Variants in PDZRN4 observed in about 807,000 individuals in gnomAD.
PDZRN4 encodes the protein PDZ domain containing ring finger 4, also known as PDZ domain-containing RING finger protein 4.
A neutral mutation model predicts 99.0 loss-of-function variants in PDZRN4; 70 were observed. That is an observed-to-expected ratio of 0.71 (90% CI 0.58 to 0.86). The LOEUF is 0.86. Among genes scored for constraint, PDZRN4 ranks in the 40% least tolerant of loss-of-function variants. The pLI is 0.00. For missense variants in PDZRN4, 1,474 were observed against 1,331.2 expected, an observed-to-expected ratio of 1.11 and a Z score of -1.67; for synonymous variants, 551 against 501.6, an observed-to-expected ratio of 1.10 and a Z score of -1.32.
At chr12:41,545,201 G>C (rs574489541) in intron 5 of PDZRN4, among the ~76,000 whole-genome samples, 1 of 152,242 alleles carries the variant, frequency 6.6e-6, no homozygotes, top group South Asian at 2.1e-4. Flanking sequence ...ATCCTTCCGT[G>C]ATCTGGCCTT....
intron 3 of PDZRN4, among the ~76,000 whole-genome samples, chr12:41,503,933 A>G (rs1938156344): frequency 6.6e-6 from 1 of 152,174 alleles, no homozygotes; most frequent in South Asian, 2.1e-4. Flanking sequence ...TGCAAGGCTT[A>G]TAAGAAAAGA....
At chr12:41,386,912 G>C (rs1952174396) in intron 3 of PDZRN4, among the ~76,000 whole-genome samples, 1 of 152,138 alleles carries the variant, frequency 6.6e-6, no homozygotes, top group African/African-American at 2.4e-5. Flanking sequence ...TGGGATAACT[G>C]GTTAGCCATA....
At position 41,194,170 on chromosome 12, in the gene PDZRN4, T is replaced by C. The variant is rs73117080; in HGVS notation, c.825T>C (p.Ile275=). ...CTGACAGAGCAGATGGCCTGGAGAT[T>C]CATGACAAAATCATGGAGGTAAGAC... is the stretch of plus-strand genomic sequence containing the variant. The part of the protein sequence containing the change: ...GPADRADGLE[I]HDKIMEVNGK... Residue 275 remains isoleucine (I), a synonymous_variant, in exon 3 of 10, where the codon ATT becomes ATC. Coordinates refer to ENST00000402685, the MANE Select transcript of PDZRN4 (RefSeq NM_001164595.2). 0.03 allele frequency: 45,386 copies of C among 1,502,320 alleles called. 1,327 individuals carry two copies. The highest frequency in any genetic ancestry group is 0.12 in the African/African-American group (8,483 of 72,854). The allele number at this position is 1,502,320 out of a possible 1,614,324, so 93.1% of individuals were successfully genotyped here.
At chr12:41,569,295 T>A (rs1415587936) in intron 9 of PDZRN4, among the ~76,000 whole-genome samples, 2 of 152,056 alleles carry the variant, frequency 1.3e-5, no homozygotes, top group Non-Finnish European at 2.9e-5. Flanking sequence ...AATTTTTGTA[T>A]TTTTAGTACA....
intron 3 of PDZRN4, among the ~76,000 whole-genome samples, chr12:41,264,963 A>G (rs572394839): frequency 1.3e-5 from 2 of 152,244 alleles, no homozygotes; most frequent in Non-Finnish European, 2.9e-5. Context: ...GAAGGAGGAG[A>G]GAAAGGAATG....
intron 6 of PDZRN4, 51 bp from the exon 7 acceptor site, chr12:41,555,647 T>C (rs1939145059): frequency 6.5e-6 from 9 of 1,375,890 alleles, no homozygotes; most frequent in Non-Finnish European, 9.3e-6. Flanking sequence ...TTTTAAGTTC[T>C]TGAGGGAATG....
intron 3 of PDZRN4, among the ~76,000 whole-genome samples, chr12:41,354,194 A>G (rs547088708): frequency 6.6e-6 from 1 of 152,224 alleles, no homozygotes; most frequent in East Asian, 1.9e-4. Context: ...CAAAGCCTTA[A>G]TAGTAATAAG....
intron 5 of PDZRN4, among the ~76,000 whole-genome samples, chr12:41,534,911 A>G (rs1162906710): frequency 6.6e-6 from 1 of 151,942 alleles, no homozygotes; most frequent in Non-Finnish European, 1.5e-5. Flanking sequence ...ACTATCTCCT[A>G]GTTTTTATTT....
intron 3 of PDZRN4, among the ~76,000 whole-genome samples, chr12:41,497,786 A>G (rs112441630): frequency 1.3e-5 from 2 of 152,070 alleles, no homozygotes; most frequent in African/African-American, 2.4e-5. Flanking sequence ...ATGTGTGTGT[A>G]TGTGTGCATG....
At chr12:41,402,899 G>A (rs1952314440) in intron 3 of PDZRN4, among the ~76,000 whole-genome samples, 2 of 151,720 alleles carry the variant, frequency 1.3e-5, no homozygotes, top group Admixed American at 1.3e-4. Flanking sequence ...TGTAACGTGA[G>A]CTAAATTGCA....
chr12:41,384,142 A>G (rs1952148102), intron 3 of PDZRN4, among the ~76,000 whole-genome samples: 1 of 151,726 alleles, frequency 6.6e-6, no homozygotes, highest in African/African-American at 2.4e-5. Context: ...ACTTTTTTTG[A>G]GACAGGGCCT....
chr12:41,306,174 T>A (rs1219167984), intron 3 of PDZRN4, among the ~76,000 whole-genome samples: 1 of 152,168 alleles, frequency 6.6e-6, no homozygotes, highest in Non-Finnish European at 1.5e-5. Context: ...GGCAACATTG[T>A]CTCCACAGCT....
intron 3 of PDZRN4, among the ~76,000 whole-genome samples, chr12:41,326,051 A>AT (rs369055458): frequency 3.9e-5 from 6 of 151,964 alleles, no homozygotes; most frequent in Middle Eastern, 3.4e-3. Flanking sequence ...GCATGATATC[A>AT]TGGCTCACAA....
At chr12:41,356,733 C>T (rs1046518033) in intron 3 of PDZRN4, among the ~76,000 whole-genome samples, 3 of 151,950 alleles carry the variant, frequency 2.0e-5, no homozygotes, top group Non-Finnish European at 4.4e-5. Flanking sequence ...TTACTGTGAC[C>T]TTTTAGAACT....
chr12:41,241,178 C>T (rs1232861668), intron 3 of PDZRN4, among the ~76,000 whole-genome samples: 1 of 152,070 alleles, frequency 6.6e-6, no homozygotes, highest in Non-Finnish European at 1.5e-5. Flanking sequence ...ATCCCTCATC[C>T]TAAAATTGAA....
At chr12:41,235,944 A>G (rs866227374) in intron 3 of PDZRN4, among the ~76,000 whole-genome samples, 1 of 152,192 alleles carries the variant, frequency 6.6e-6, no homozygotes, top group Non-Finnish European at 1.5e-5. Flanking sequence ...AATTAAAGCT[A>G]AAGAGTTATA....
chr12:41,539,140 G>A (rs1484547029), intron 5 of PDZRN4, among the ~76,000 whole-genome samples: 1 of 151,614 alleles, frequency 6.6e-6, no homozygotes, highest in Admixed American at 6.6e-5. Flanking sequence ...TATATTTTGT[G>A]GGAGCTCCTC....
At chr12:41,218,062 C>G (rs972520302) in intron 3 of PDZRN4, among the ~76,000 whole-genome samples, 1 of 152,084 alleles carries the variant, frequency 6.6e-6, no homozygotes, top group Non-Finnish European at 1.5e-5. Flanking sequence ...TCAAAAGCAG[C>G]CTTCCAAGTC....
intron 5 of PDZRN4, among the ~76,000 whole-genome samples, chr12:41,518,839 G>C (rs1201012751): frequency 6.6e-6 from 1 of 151,958 alleles, no homozygotes; most frequent in Non-Finnish European, 1.5e-5. Context: ...GTCCCACCTA[G>C]TCAAGAGACT....
Sources: gnomAD v4.1 joint callset for allele counts (sites outside exome capture counted in the v4.1 genomes callset) on GRCh38, gnomAD v4.1.1 for gene constraint, MANE v1.5 for transcripts, NCBI Gene and HGNC (gene_info 2026-07-23, HGNC 2026-07-21) for gene names.